The following SCMH1 variants were observed in gnomAD, a reference collection of about 807,000 sequenced individuals.
SCMH1 encodes polycomb protein SCMH1.
In SCMH1, 37 loss-of-function variants were observed where a neutral mutation model predicts 70.8. The ratio of observed to expected loss-of-function variants is 0.52; its 90% confidence interval spans 0.40 to 0.69. The LOEUF (loss-of-function observed/expected upper bound fraction) is 0.69, where lower values mean the gene tolerates loss of function less well. Among genes scored for constraint, SCMH1 ranks in the 30% least tolerant of loss-of-function variants. The pLI, the probability that SCMH1 is intolerant of heterozygous loss-of-function variation, is 0.00. For synonymous variants in SCMH1, 292 were observed against 307.4 expected (o/e 0.95, Z 0.52); for missense variants, 607 against 827.3 (o/e 0.73, Z 3.27).
chr1:41,223,789 C>A (rs568236730), intron 1 of SCMH1, among the ~76,000 whole-genome samples: 1 of 152,120 alleles, frequency 6.6e-6, no homozygotes, highest in Non-Finnish European at 1.5e-5. Context: ...CAGATAATAA[C>A]CTGCAAACAT....
At chr1:41,092,966 G>A (rs1363320861) in intron 8 of SCMH1, among the ~76,000 whole-genome samples, 29 of 152,134 alleles carry the variant, frequency 1.9e-4, no homozygotes, top group Non-Finnish European at 1.2e-4. Flanking sequence ...ACAGTGTGGC[G>A]ATTCCTCAAG....
At chr1:41,028,659 T>C (rs763307338) in exon 14 of SCMH1, 2 of 1,614,168 alleles carry the variant, frequency 1.2e-6, no homozygotes, top group Non-Finnish European at 1.7e-6. Flanking sequence ...CATCCTCGAC[T>C]GTCCATGAGG....
intron 1 of SCMH1, among the ~76,000 whole-genome samples, chr1:41,218,426 A>G (rs1030643918): frequency 6.6e-6 from 1 of 152,196 alleles, no homozygotes; most frequent in Non-Finnish European, 1.5e-5. Flanking sequence ...CAGGGAGAAC[A>G]CAATATGACA....
intron 1 of SCMH1, among the ~76,000 whole-genome samples, chr1:41,210,989 T>C (rs574420395): frequency 6.6e-6 from 1 of 152,206 alleles, no homozygotes; most frequent in East Asian, 1.9e-4. Context: ...TTTGTATTTT[T>C]CATAGAGACA....
intron 8 of SCMH1, among the ~76,000 whole-genome samples, chr1:41,105,333 G>A (rs1667635786): frequency 6.6e-6 from 1 of 152,074 alleles, no homozygotes; most frequent in Non-Finnish European, 1.5e-5. Flanking sequence ...TTGTAATTAA[G>A]TGAATATCTG....
chr1:41,161,574 A>G (rs1646035808), intron 2 of SCMH1, 142 bp from the exon 3 acceptor site: 14 of 931,964 alleles, frequency 1.5e-5, no homozygotes, highest in Middle Eastern at 3.5e-4. Flanking sequence ...TCCAAAATAC[A>G]AGAAAAAGGT....
At chr1:41,215,794 G>A (rs1309742526) in intron 1 of SCMH1, among the ~76,000 whole-genome samples, 1 of 152,080 alleles carries the variant, frequency 6.6e-6, no homozygotes, top group Non-Finnish European at 1.5e-5. Flanking sequence ...TGATAGTGAA[G>A]CCCTAAGGGA....
At chr1:41,085,615 C>A (rs1267501576) in intron 8 of SCMH1, among the ~76,000 whole-genome samples, 1 of 152,170 alleles carries the variant, frequency 6.6e-6, no homozygotes, top group Admixed American at 6.5e-5. Flanking sequence ...TATGCGCCAT[C>A]CAAAAAAGTA....
intron 6 of SCMH1, among the ~76,000 whole-genome samples, chr1:41,141,124 A>C (rs568661705): frequency 6.6e-6 from 1 of 152,372 alleles, no homozygotes; most frequent in East Asian, 1.9e-4. Flanking sequence ...AGTTGATGAA[A>C]GTTTATGTTA....
chr1:41,164,567 A>G (rs917276789), intron 2 of SCMH1, among the ~76,000 whole-genome samples: 1 of 152,296 alleles, frequency 6.6e-6, no homozygotes, highest in Middle Eastern at 3.4e-3. Context: ...ACAGGCGCTC[A>G]TTAAATGTCT....
chr1:41,039,252 C>T (rs1645750809), intron 12 of SCMH1, among the ~76,000 whole-genome samples: 1 of 151,834 alleles, frequency 6.6e-6, no homozygotes, highest in Admixed American at 6.6e-5. Context: ...GATGCTGATG[C>T]AAACCATTGA....
rs761580932 is a variant in SCMH1, at chr1:41,152,549, G to C, written c.107-865C>G. 8.8e-6 allele frequency: 14 copies of C among 1,586,180 alleles called. No homozygotes were observed. In the East Asian group the frequency reaches 2.2e-4, roughly 25 times the overall value. Reference sequence around the variant, plus strand: ...TCATTGGATCACTAAAGATTATCAAGTTCTTTATTTAAAGGTTAAACCAAT... The same window carrying C: ...TCATTGGATCACTAAAGATTATCAACTTCTTTATTTAAAGGTTAAACCAAT... On this transcript the variant is annotated intron_variant, in intron 4 of 14. Transcript: ENST00000337495.
exon 9 of SCMH1, chr1:41,075,246 C>T: frequency 6.2e-7 from 1 of 1,614,158 alleles, no homozygotes; most frequent in South Asian, 1.1e-5. Context: ...GACCTCTCTT[C>T]TTTGGGAATT....
chr1:41,168,108 G>A (rs1019517420), intron 2 of SCMH1, among the ~76,000 whole-genome samples: 24 of 151,710 alleles, frequency 1.6e-4, no homozygotes, highest in African/African-American at 4.4e-4. Context: ...GGATCTTTTC[G>A]GGTTCATCTT....
intron 14 of SCMH1, 56 bp downstream of exon 15, chr1:41,028,528 A>C (rs916575244): frequency 1.6e-5 from 25 of 1,605,852 alleles, no homozygotes; most frequent in Non-Finnish European, 2.0e-5. Flanking sequence ...TATTGTCCCC[A>C]CCAGGTGAGG....
chr1:41,241,713 G>A (rs1341564125), intron 1 of SCMH1, among the ~76,000 whole-genome samples: 1 of 151,824 alleles, frequency 6.6e-6, no homozygotes, highest in East Asian at 1.9e-4. Flanking sequence ...TATACGGACC[G>A]CCCCCACGCC....
chr1:41,150,951 A>AG (rs1347259404), intron 5 of SCMH1, among the ~76,000 whole-genome samples: 1 of 151,502 alleles, frequency 6.6e-6, no homozygotes, highest in Non-Finnish European at 1.5e-5. Flanking sequence ...AAAAAAAAAA[A>AG]AAAAAAGAAA....
intron 2 of SCMH1, among the ~76,000 whole-genome samples, chr1:41,181,623 A>G (rs1485658559): frequency 3.3e-5 from 5 of 152,228 alleles, no homozygotes; most frequent in Non-Finnish European, 5.9e-5. Context: ...GGCCATCAGA[A>G]AAATGCAAAT....
chr1:41,048,474 C>T (rs192909652), intron 11 of SCMH1, among the ~76,000 whole-genome samples: 32 of 152,234 alleles, frequency 2.1e-4, no homozygotes, highest in Non-Finnish European at 3.5e-4. Flanking sequence ...AGTTTAGAGG[C>T]TCACTGAAGC....
Sources: allele counts gnomAD v4.1 joint callset (sites outside exome capture counted in the v4.1 genomes callset), GRCh38; gene constraint gnomAD v4.1.1; transcripts MANE v1.5; gene names NCBI Gene and HGNC (gene_info 2026-07-23, HGNC 2026-07-21).